The following LAMA5 variants were observed in gnomAD, a reference collection of about 807,000 sequenced individuals.
The protein encoded by LAMA5 is laminin subunit alpha 5.
LAMA5 carries 260 observed loss-of-function variants against 433.4 expected under a neutral mutation model. The ratio of observed to expected loss-of-function variants is 0.60; its 90% CI spans 0.54 to 0.66. The LOEUF is 0.66. Ranked by LOEUF, LAMA5 falls within the 30% of genes least tolerant of loss-of-function variation. LAMA5 has a pLI of 0.00. For missense variants in LAMA5, 5,378 were observed against 5,258.5 expected, an observed-to-expected ratio of 1.02 and a Z score of -0.70; for synonymous variants, 2,620 against 2,226.6, an observed-to-expected ratio of 1.18 and a Z score of -4.97.
intron 9 of LAMA5, 124 bp downstream of exon 9, chr20:62,346,382 G>C (rs1983370098): frequency 7.4e-7 from 1 of 1,355,324 alleles, no homozygotes; most frequent in African/African-American, 1.4e-5. Flanking sequence ...GGCCTGGGAG[G>C]CTCCTTCCTG....
intron 79 of LAMA5, 51 bp from the exon 80 acceptor site, chr20:62,309,526 C>A (rs770882156): frequency 1.4e-4 from 210 of 1,506,896 alleles, no homozygotes; most frequent in Non-Finnish European, 1.8e-4. Flanking sequence ...CAGCTAGAGA[C>A]CCACAGGCCC....
chr20:62,329,660 G>A lies in LAMA5; in HGVS notation c.4119+117C>T, dbSNP rs980636046. On this transcript the variant is annotated intron_variant, in intron 32 of 79. Coordinates refer to ENST00000252999, the MANE Select transcript of LAMA5 (RefSeq NM_005560.6). ...CCAAAGGCAGGAGCTGCTTTGCTGG[G>A]CACAAGGCCAGGCCTCAGCAGGCCC... is the stretch of plus-strand genomic sequence containing the variant. The A allele has an allele frequency of 3.8e-6, 5 of 1,318,974 alleles. No homozygotes were observed. In the African/African-American group the frequency reaches 7.3e-5, roughly 19 times the overall value. 81.7% of individuals were successfully genotyped at this position (1,318,974 alleles called of 1,614,324 possible).
rs761123258 is a variant in LAMA5 at position 62,318,691 on chromosome 20, G to A, written c.7043-41C>T. On this transcript the variant is annotated intron_variant, in intron 52 of 79. Coordinates refer to ENST00000252999, the MANE Select transcript of LAMA5 (RefSeq NM_005560.6). ...GTGAGGGTGGTCACTCTGGAAGCCAGGCCCCTTCATGACCCCTGGTCTCCA... is the reference window on the plus strand; with the variant it reads ...GTGAGGGTGGTCACTCTGGAAGCCAAGCCCCTTCATGACCCCTGGTCTCCA... The A allele has an allele frequency of 1.2e-5, 19 of 1,598,134 alleles. No individual in the cohort carries two copies. The African/African-American group carries it at 1.7e-4, about 15-fold the overall frequency.
At chr20:62,353,734 T>G (rs1984726682) in intron 2 of LAMA5, among the ~76,000 whole-genome samples, 1 of 152,068 alleles carries the variant, frequency 6.6e-6, no homozygotes, top group Non-Finnish European at 1.5e-5. Context: ...TCCAACCCCC[T>G]AGTCCCTCTG....
intron 16 of LAMA5, 119 bp from the exon 17 acceptor site, chr20:62,336,905 T>G: frequency 6.4e-6 from 6 of 937,880 alleles, no homozygotes; most frequent in Non-Finnish European, 1.0e-5. Context: ...CACAGGTGCC[T>G]CTCATCCACA....
chr20:62,333,180 C>T lies in LAMA5; in HGVS notation c.3192G>A (p.Leu1064=). ...GFPSAAGLEA[L]CRQDNSLPRP... ...GGGGCAGGCTGTTGTCCTGGCGACA[C>T]AGGGCCTCCAGCCCGGCGGCCGAGG... Residue 1064 remains leucine (L), a synonymous_variant, in exon 26 of 80, where the codon CTG becomes CTA. Transcript: ENST00000252999. 6 of 1,520,770 alleles carry T rather than the reference C, an allele frequency of 3.9e-6. No individual in the cohort carries two copies. Among genetic ancestry groups the T allele is most frequent in the Non-Finnish European group, 4.4e-6 (5 of 1,135,120 alleles). The allele number at this position is 1,520,770 out of a possible 1,614,324, so 94.2% of individuals were successfully genotyped here. A position where few individuals can be genotyped will look rare whatever the true frequency, so the allele number is the denominator to read the frequency against.
intron 23 of LAMA5, 49 bp downstream of exon 23, chr20:62,333,852 G>GTGGGGTGGGGTGGGGTGGGC: frequency 1.4e-6 from 2 of 1,433,826 alleles, no homozygotes; most frequent in Non-Finnish European, 1.9e-6. Flanking sequence ...GTGGGGTGGG[G>GTGGGGTGGGGTGGGGTGGGC]TGGGCTGGGC....
chr20:62,310,187 G>C lies in LAMA5; in HGVS notation c.10725C>G (p.Thr3575=), dbSNP rs768417939. 1.9e-6 allele frequency: 3 copies of C among 1,612,298 alleles called. No homozygotes were observed. Among genetic ancestry groups the C allele is most frequent in the Non-Finnish European group, 2.5e-6 (3 of 1,179,964 alleles). ...RTPPYLQLQV[T]EKQVLLRADD... ...CCTCTGCCAGGCTTACTTGCTTCTC[G>C]GTCACCTGCAACTGCAAGTAGGGGG... Residue 3575 remains threonine, a synonymous_variant, in exon 77 of 80, where the codon ACC becomes ACG. Coordinates refer to ENST00000252999, the MANE Select transcript of LAMA5 (RefSeq NM_005560.6).
At position 62,324,391 on chromosome 20, in the gene LAMA5, C is replaced by T; in HGVS notation, c.5643+50G>A. ...CCCTGGTCTTCCCTGGCACACTTGACTGTGCCTTCAGTGAATGCTGCCCCC... is the reference window on the plus strand; with the variant it reads ...CCCTGGTCTTCCCTGGCACACTTGATTGTGCCTTCAGTGAATGCTGCCCCC... On this transcript the variant is annotated intron_variant, in intron 42 of 79. Coordinates refer to ENST00000252999, the MANE Select transcript of LAMA5 (RefSeq NM_005560.6). The surrounding 1 kb of genome is among the most constrained non-coding windows in gnomAD (Gnocchi z 4.4). 6.8e-7 allele frequency: 1 copy of T among 1,480,242 alleles called. No homozygotes were observed. Among genetic ancestry groups the T allele is most frequent in the Non-Finnish European group, 9.3e-7 (1 of 1,070,168 alleles). The allele number at this position is 1,480,242 out of a possible 1,614,324, so 91.7% of individuals were successfully genotyped here. A position where few individuals can be genotyped will look rare whatever the true frequency, so the allele number is the denominator to read the frequency against.
At chr20:62,319,411 C>T (rs74425823) in intron 51 of LAMA5, among the ~76,000 whole-genome samples, 1,629 of 152,206 alleles carry the variant, frequency 0.011, 9 homozygotes, top group Non-Finnish European at 0.015. Context: ...TCAGTGTGCA[C>T]TACGGGATAT....
chr20:62,316,403 C>T (rs926382737), intron 57 of LAMA5: 5 of 531,960 alleles, frequency 9.4e-6, no homozygotes, highest in Admixed American at 3.4e-5. Context: ...GCAGAGGCCA[C>T]GTATCTCTTG....
At chr20:62,327,481 A>G in intron 37 of LAMA5, 48 bp downstream of exon 37, 1 of 1,610,252 alleles carries the variant, frequency 6.2e-7, no homozygotes, top group Non-Finnish European at 8.5e-7. Flanking sequence ...ATCCAGTCCC[A>G]CCTAAGACCT....
At position 62,334,362 on chromosome 20, in the gene LAMA5, G is replaced by A; in HGVS notation, c.2583-20C>T. 6.3e-7 allele frequency: 1 copy of A among 1,577,668 alleles called. No homozygotes were observed. The highest frequency in any genetic ancestry group is 1.2e-5 in the South Asian group (1 of 86,844). On this transcript the variant is annotated intron_variant, in intron 21 of 79. Transcript: ENST00000252999. ...GCAGGCCTGGCCACAGCAGGGGCTG[G>A]TCAGGTGCAGCTTGGCCATCCTACC...
At chr20:62,366,284 G>C (rs1052448216) in intron 1 of LAMA5, among the ~76,000 whole-genome samples, 1 of 152,208 alleles carries the variant, frequency 6.6e-6, no homozygotes, top group Admixed American at 6.5e-5. Flanking sequence ...ACAGGTTTAA[G>C]GCTTGTTGGG....
Position 62,322,413 on chromosome 20 carries a change from G to A in LAMA5, c.6202C>T (p.Arg2068Cys), listed in dbSNP as rs764885085. ...GCGGCCGGTCCACAAGCACACGGGC[G>A]GCAGCCCCCGCAGCCATCGAAACCA... ...HFGFDGCGGC[R>C]PCACGPAAEG... Residue 2068 changes from arginine (R) to cysteine (C), a missense_variant, in exon 47 of 80, where the codon CGC becomes TGC. Coordinates refer to ENST00000252999, the MANE Select transcript of LAMA5 (RefSeq NM_005560.6). The A allele has an allele frequency of 5.4e-5, 86 of 1,592,858 alleles. 1 individual carries two copies. Among genetic ancestry groups the A allele is most frequent in the East Asian group, 2.1e-4 (9 of 43,762 alleles).
rs543560117 is a variant in LAMA5 at position 62,314,311 on chromosome 20, G to A, written c.8497C>T (p.Leu2833=). The A allele has an allele frequency of 3.3e-5, 53 of 1,613,124 alleles. No individual in the cohort carries two copies. In the Admixed American group the frequency reaches 6.5e-4, roughly 20 times the overall value. The change falls in exon 62 of 80, where the codon CTG becomes TTG. Residue 2833 remains leucine (L), a synonymous_variant. Coordinates refer to ENST00000252999, the MANE Select transcript of LAMA5 (RefSeq NM_005560.6). ...DIGEQFAAVS[L]DRTLQFGHMS... ...CTCTCCTGGGCCTCCCACCTGTCCA[G>A]GCTGACAGCTGCGAACTGCTCCCCA...
At position 62,337,876 on chromosome 20, in the gene LAMA5, A is replaced by G; in HGVS notation, c.1954T>C (p.Cys652Arg). 1 of 1,612,546 alleles carries G rather than the reference A, an allele frequency of 6.2e-7. No individual in the cohort carries two copies. The highest frequency in any genetic ancestry group is 8.5e-7 in the Non-Finnish European group (1 of 1,179,854). Residue 652 changes from cysteine to arginine, a missense_variant, in exon 15 of 80, where the codon TGC becomes CGC. Coordinates refer to ENST00000252999, the MANE Select transcript of LAMA5 (RefSeq NM_005560.6). The part of the protein sequence containing the change: ...QLCGAGGLCR[C>R]RPGYTGTACQ... ...GCAGTGCCTGTGTAGCCGGGGCGGCAGCGGCACAAACCTCCCGCCCCACAG... is the reference window on the plus strand; with the variant it reads ...GCAGTGCCTGTGTAGCCGGGGCGGCGGCGGCACAAACCTCCCGCCCCACAG...
Position 62,337,804 on chromosome 20 carries a change from G to T in LAMA5, c.2026C>A (p.Pro676Thr). The T allele has an allele frequency of 6.2e-7, 1 of 1,612,346 alleles. No individual in the cohort carries two copies. The highest frequency in any genetic ancestry group is 8.5e-7 in the Non-Finnish European group (1 of 1,179,694). Reference protein sequence around the residue: ...PGFHGFPSCVPCHCSAEGSLH... With the variant: ...PGFHGFPSCVTCHCSAEGSLH... ...CACCACTTCCTCCCTAGGCACTCAC[G>T]GACACAGCTGGGGAAGCCGTGAAAG... Residue 676 changes from proline to threonine, a missense_variant and splice_region_variant, in exon 15 of 80, where the codon CCC (proline) becomes ACC (threonine). By Grantham distance (38) the Pro-to-Thr change is conservative. Coordinates refer to ENST00000252999, the MANE Select transcript of LAMA5 (RefSeq NM_005560.6).
At chr20:62,334,728 G>GTC in intron 20 of LAMA5, 107 bp from the exon 21 acceptor site, 1 of 695,230 alleles carries the variant, frequency 1.4e-6, no homozygotes. Flanking sequence ...GGATGATGGA[G>GTC]AGTCAGGGCT....
Sources: gnomAD v4.1 joint callset for allele counts (sites outside exome capture counted in the v4.1 genomes callset) on GRCh38, gnomAD v4.1.1 for gene constraint, Gnocchi (gnomAD v3.1) non-coding constraint, MANE v1.5 for transcripts, NCBI Gene and HGNC (gene_info 2026-07-23, HGNC 2026-07-21) for gene names.